STX12: variants seen among roughly 807,000 people sequenced by gnomAD.
STX12 encodes the protein syntaxin-12.
In STX12, 17 loss-of-function variants were observed where a neutral mutation model predicts 42.2. That is an observed-to-expected ratio of 0.40 (90% CI 0.28 to 0.60). The LOEUF (loss-of-function observed/expected upper bound fraction) is 0.60. STX12 is among the 20% of genes least tolerant of loss of function. The pLI, the probability that STX12 is intolerant of heterozygous loss-of-function variation, is 0.39. For synonymous variants in STX12, 108 were observed against 116.7 expected (o/e 0.93, Z 0.48); for missense variants, 297 against 330.9 (o/e 0.90, Z 0.79).
At chr1:27,802,910 A>G (rs986321175) in intron 4 of STX12, among the ~76,000 whole-genome samples, 3 of 152,254 alleles carry the variant, frequency 2.0e-5, no homozygotes, top group Non-Finnish European at 4.4e-5. Context: ...AACTACACAA[A>G]GATTTGAAAA....
chr1:27,792,240 G>A lies in STX12; in HGVS notation c.189-1293G>A, dbSNP rs1235149138. The stretch of plus-strand genomic sequence containing the variant: ...TATATATATGTATATACATATATAT[G>A]TATCTATATATATGTAGATACATAT... On this transcript the variant is annotated intron_variant, in intron 2 of 8. Transcript: ENST00000373943. 7.8e-5 allele frequency among the ~76,000 whole-genome samples: 9 copies of A among 115,548 alleles called. 1 individual carries two copies. The highest frequency in any genetic ancestry group is 2.7e-4 in the African/African-American group (8 of 29,810). The allele number at this position is 115,548 out of a possible 152,430, so 75.8% of individuals were successfully genotyped here.
intron 6 of STX12, among the ~76,000 whole-genome samples, chr1:27,814,218 T>C (rs1367301745): frequency 6.6e-6 from 1 of 152,216 alleles, no homozygotes; most frequent in Non-Finnish European, 1.5e-5. Flanking sequence ...CTGCTACTAC[T>C]AATTGAATTA....
chr1:27,811,982 AT>A, intron 5 of STX12, 180 bp from the exon 6 acceptor site: 1 of 673,162 alleles, frequency 1.5e-6, no homozygotes, highest in Non-Finnish European at 2.8e-6. Context: ...TGTTTTCCTG[AT>A]ATCATCAGCT....
At position 27,822,482 on chromosome 1, in the gene STX12, G is replaced by A. The variant is rs1023949012; in HGVS notation, c.*153G>A. The A allele has an allele frequency of 1.1e-5, 6 of 571,180 alleles. No individual in the cohort carries two copies. Among genetic ancestry groups the A allele is most frequent in the East Asian group, 5.6e-5 (2 of 35,686 alleles). The allele number at this position is 571,180 out of a possible 1,614,324, so 35.4% of individuals were successfully genotyped here. A position where few individuals can be genotyped will look rare whatever the true frequency, so the allele number is the denominator to read the frequency against. The stretch of plus-strand genomic sequence containing the variant: ...AACTACTAACTAGTCTTTGGAATTC[G>A]TGACCTATGGAGACAGTAATTATCA... On this transcript the variant is annotated 3_prime_UTR_variant, in exon 9 of 9. Transcript: ENST00000373943.
intron 3 of STX12, among the ~76,000 whole-genome samples, chr1:27,795,380 A>G (rs2088779316): frequency 6.6e-6 from 1 of 151,522 alleles, no homozygotes; most frequent in African/African-American, 2.4e-5. Flanking sequence ...ATCTTGGCTT[A>G]CTGCAACCTC....
rs567757375 is a variant in STX12 at position 27,800,244 on chromosome 1, C to G, written c.289-1434C>G. The stretch of plus-strand genomic sequence containing the variant: ...GGATTTGCCTTACCCCTTCTTTCTG[C>G]TTATTCATGCCTTCCTCTTACTTCA... On this transcript the variant is annotated intron_variant, in intron 3 of 8. Coordinates refer to ENST00000373943, the MANE Select transcript of STX12 (RefSeq NM_177424.3). Among the ~76,000 whole-genome samples the G allele has an allele frequency of 2.0e-5, 3 of 152,304 alleles. No homozygotes were observed. The South Asian group carries it at 6.2e-4, about 32-fold the overall frequency.
chr1:27,806,376 G>A lies in STX12; in HGVS notation c.427-3870G>A, dbSNP rs537147601. 3.2e-4 allele frequency among the ~76,000 whole-genome samples: 48 copies of A among 152,232 alleles called. 1 individual carries two copies. In the South Asian group the frequency reaches 8.9e-3, roughly 28 times the overall value. ...TAGTAAGTTCTTATAAAACTATATT[G>A]AATAAGTAAAAATGGTATTCCCTAA... On this transcript the variant is annotated intron_variant, in intron 4 of 8. Coordinates refer to ENST00000373943, the MANE Select transcript of STX12 (RefSeq NM_177424.3).
intron 4 of STX12, among the ~76,000 whole-genome samples, chr1:27,802,953 T>A (rs911171418): frequency 6.6e-6 from 1 of 152,154 alleles, no homozygotes; most frequent in Admixed American, 6.5e-5. Flanking sequence ...TGGAAAGATA[T>A]AATATAGAAA....
intron 2 of STX12, 99 bp from the exon 3 acceptor site, chr1:27,793,434 T>C: frequency 1.0e-6 from 1 of 982,360 alleles, no homozygotes; most frequent in Non-Finnish European, 1.5e-6. Flanking sequence ...AAATGGCCCT[T>C]CATTCCCTAC....
chr1:27,792,951 T>C (rs544650610), intron 2 of STX12, among the ~76,000 whole-genome samples: 1 of 152,334 alleles, frequency 6.6e-6, no homozygotes, highest in East Asian at 1.9e-4. Flanking sequence ...GTAAGGCTTC[T>C]TTGTTTTGGA....
intron 3 of STX12, among the ~76,000 whole-genome samples, chr1:27,797,283 C>T (rs2088792906): frequency 6.6e-6 from 1 of 152,216 alleles, no homozygotes; most frequent in African/African-American, 2.4e-5. Flanking sequence ...TCTTGAATTC[C>T]TGACCTCAAG....
At chr1:27,781,245 T>C (rs2088665858) in intron 1 of STX12, among the ~76,000 whole-genome samples, 1 of 152,060 alleles carries the variant, frequency 6.6e-6, no homozygotes, top group Non-Finnish European at 1.5e-5. Context: ...GGTTTCACCA[T>C]GTTGACCAAG....
chr1:27,799,793 C>T (rs1236007903), intron 3 of STX12, among the ~76,000 whole-genome samples: 1 of 152,122 alleles, frequency 6.6e-6, no homozygotes, highest in African/African-American at 2.4e-5. Context: ...ACATGTGTTG[C>T]CCAGGCTGGA....
At chr1:27,812,721 G>A (rs558272054) in intron 6 of STX12, among the ~76,000 whole-genome samples, 97 of 152,056 alleles carry the variant, frequency 6.4e-4, no homozygotes, top group South Asian at 1.0e-3. Flanking sequence ...GATTACAGGC[G>A]TGAGTCACCG....
At chr1:27,800,371 A>G (rs564202151) in intron 3 of STX12, among the ~76,000 whole-genome samples, 2 of 152,254 alleles carry the variant, frequency 1.3e-5, no homozygotes, top group African/African-American at 2.4e-5. Context: ...GCAGTTATTT[A>G]TAATAACTTT....
At chr1:27,777,319 C>T (rs1411387751) in intron 1 of STX12, among the ~76,000 whole-genome samples, 1 of 150,940 alleles carries the variant, frequency 6.6e-6, no homozygotes, top group Non-Finnish European at 1.5e-5. Context: ...GAAAGGCATT[C>T]TAGGTAGAGG....
rs1357742140 is a variant in STX12, at chr1:27,813,809, G to A, written c.576+1541G>A. The stretch of plus-strand genomic sequence containing the variant: ...TCTGGGCGTGAGGCCCTGGGCATGG[G>A]TATTTTTTTAAAAAGTTCCCCCAGG... On this transcript the variant is annotated intron_variant, in intron 6 of 8. Transcript: ENST00000373943. Among the ~76,000 whole-genome samples the A allele has an allele frequency of 4.6e-5, 7 of 152,336 alleles. No homozygotes were observed. In the East Asian group the frequency reaches 1.2e-3, roughly 25 times the overall value.
intron 3 of STX12, among the ~76,000 whole-genome samples, chr1:27,801,457 G>A (rs2088828040): frequency 6.6e-6 from 1 of 151,848 alleles, no homozygotes; most frequent in African/African-American, 2.4e-5. Flanking sequence ...CCAGTTCCAG[G>A]TTTGTCAGAA....
chr1:27,775,603 G>A (rs1276009681), intron 1 of STX12, among the ~76,000 whole-genome samples: 1 of 152,152 alleles, frequency 6.6e-6, no homozygotes, highest in Non-Finnish European at 1.5e-5. Context: ...TATGTAGTAA[G>A]TATAAGAACT....
Sources: gnomAD v4.1 joint callset for allele counts (sites outside exome capture counted in the v4.1 genomes callset) on GRCh38, gnomAD v4.1.1 for gene constraint, MANE v1.5 for transcripts, NCBI Gene and HGNC (gene_info 2026-07-23, HGNC 2026-07-21) for gene names.